C12orf54: variants seen among roughly 807,000 people sequenced by gnomAD.
C12orf54 encodes the protein chromosome 12 open reading frame 54, also known as uncharacterized protein C12orf54.
A neutral mutation model predicts 26.4 loss-of-function variants in C12orf54; 24 were observed. The observed-to-expected ratio is 0.91, with a 90% CI of 0.66 to 1.28. C12orf54 has a LOEUF of 1.28. Ranked by LOEUF, C12orf54 falls within the 50% of genes most tolerant of loss-of-function variation. The pLI is 0.00. For missense variants in C12orf54, 154 were observed against 150.9 expected, an observed-to-expected ratio of 1.02 and a Z score of -0.11; for synonymous variants, 54 against 47.0, an observed-to-expected ratio of 1.15 and a Z score of -0.61.
At chr12:48,444,389 TCTC>T in the C12orf54 span, among the ~76,000 whole-genome samples, 1 of 152,142 alleles carries the variant, frequency 6.6e-6, no homozygotes, top group Non-Finnish European at 1.5e-5. Context: ...AAAAGAAAGG[TCTC>T]CTCTTTTCCA....
chr12:48,419,967 T>A, the C12orf54 span, among the ~76,000 whole-genome samples: 1 of 152,248 alleles, frequency 6.6e-6, no homozygotes, highest in Non-Finnish European at 1.5e-5. Flanking sequence ...TAGATTGTTC[T>A]AATCTTGTGC....
At chr12:48,413,217 C>T in the C12orf54 span, among the ~76,000 whole-genome samples, 1 of 152,336 alleles carries the variant, frequency 6.6e-6, no homozygotes, top group African/African-American at 2.4e-5. Flanking sequence ...AAGGAATATG[C>T]ACCTCTTTCT....
the C12orf54 span, among the ~76,000 whole-genome samples, chr12:48,425,801 G>A: frequency 1.3e-5 from 2 of 151,802 alleles, no homozygotes; most frequent in South Asian, 4.1e-4. Context: ...TCTCATTGTG[G>A]TTTTCATTTG....
chr12:48,482,201 T>C (rs1954205563), upstream of C12orf54, among the ~76,000 whole-genome samples: 1 of 152,206 alleles, frequency 6.6e-6, no homozygotes, highest in African/African-American at 2.4e-5. Context: ...GAAAGCCAGA[T>C]TTCTCAGACC....
chr12:48,457,707 C>T, the C12orf54 span, among the ~76,000 whole-genome samples: 1 of 152,030 alleles, frequency 6.6e-6, no homozygotes, highest in Non-Finnish European at 1.5e-5. Flanking sequence ...GGCTTCGGTG[C>T]CCAGAAGCTG....
At chr12:48,445,559 C>G in the C12orf54 span, among the ~76,000 whole-genome samples, 1 of 152,116 alleles carries the variant, frequency 6.6e-6, no homozygotes, top group East Asian at 1.9e-4. Flanking sequence ...CTCCTCCCAC[C>G]CCTTATAGAG....
chr12:48,422,494 T>C, the C12orf54 span, among the ~76,000 whole-genome samples: 1 of 152,188 alleles, frequency 6.6e-6, no homozygotes, highest in Non-Finnish European at 1.5e-5. Context: ...TGGAATAAAC[T>C]GGAATGACCC....
the C12orf54 span, among the ~76,000 whole-genome samples, chr12:48,414,051 G>A: frequency 8.5e-5 from 13 of 152,188 alleles, no homozygotes; most frequent in Admixed American, 6.5e-4. Flanking sequence ...GATAAATGAA[G>A]GAAAAGGACA....
the C12orf54 span, among the ~76,000 whole-genome samples, chr12:48,459,082 A>G: frequency 6.6e-6 from 1 of 152,176 alleles, no homozygotes; most frequent in African/African-American, 2.4e-5. Context: ...GATAAATTGT[A>G]ACTACCCCTT....
At chr12:48,475,505 T>A in the C12orf54 span, among the ~76,000 whole-genome samples, 19 of 151,602 alleles carry the variant, frequency 1.3e-4, no homozygotes, top group African/African-American at 3.9e-4. Flanking sequence ...GAAAAAAAAA[T>A]TAGATGAATG....
the C12orf54 span, among the ~76,000 whole-genome samples, chr12:48,422,595 C>T: frequency 6.6e-6 from 1 of 151,988 alleles, no homozygotes; most frequent in Non-Finnish European, 1.5e-5. Flanking sequence ...ATCATGGAAA[C>T]AGGAAAACAT....
At chr12:48,492,783 A>G (rs1382640557) in intron 6 of C12orf54, 164 bp from the exon 7 acceptor site, 1 of 624,036 alleles carries the variant, frequency 1.6e-6, no homozygotes, top group African/African-American at 1.8e-5. Flanking sequence ...CTGGTGCCAC[A>G]TTCTGCAACT....
chr12:48,478,111 G>A (rs894578960), upstream of C12orf54, among the ~76,000 whole-genome samples: 5 of 152,124 alleles, frequency 3.3e-5, no homozygotes, highest in East Asian at 5.8e-4. Context: ...ATCAATAAAT[G>A]TAATCCAGCA....
the C12orf54 span, among the ~76,000 whole-genome samples, chr12:48,446,460 G>A: frequency 2.0e-5 from 3 of 152,108 alleles, no homozygotes; most frequent in African/African-American, 7.2e-5. Flanking sequence ...AGAGCATCAT[G>A]CTAACAAAGG....
At chr12:48,485,267 T>C (rs1276970039) in intron 2 of C12orf54, among the ~76,000 whole-genome samples, 2 of 146,526 alleles carry the variant, frequency 1.4e-5, no homozygotes, top group African/African-American at 5.4e-5. Context: ...GTTTCTGCTG[T>C]TTTGTTTGTT....
At chr12:48,446,713 T>G in the C12orf54 span, among the ~76,000 whole-genome samples, 1 of 152,208 alleles carries the variant, frequency 6.6e-6, no homozygotes, top group Non-Finnish European at 1.5e-5. Flanking sequence ...TGTATTTAAT[T>G]ACTAGATATA....
chr12:48,438,908 A>G, the C12orf54 span, among the ~76,000 whole-genome samples: 1 of 152,152 alleles, frequency 6.6e-6, no homozygotes, highest in African/African-American at 2.4e-5. Context: ...GACAAATGGG[A>G]TCTAATTAAA....
At chr12:48,450,460 C>A in the C12orf54 span, among the ~76,000 whole-genome samples, 3 of 152,068 alleles carry the variant, frequency 2.0e-5, no homozygotes, top group Non-Finnish European at 4.4e-5. Context: ...CCAAAGCTAG[C>A]AGAACACAAG....
chr12:48,489,080 G>A (rs1289048034), intron 5 of C12orf54, 124 bp downstream of exon 5: 2 of 973,096 alleles, frequency 2.1e-6, no homozygotes, highest in Admixed American at 1.7e-5. Flanking sequence ...TTTTTCTAGT[G>A]ATTTCTCCCT....
Sources: gnomAD v4.1 joint callset for allele counts (sites outside exome capture counted in the v4.1 genomes callset) on GRCh38, gnomAD v4.1.1 for gene constraint, MANE v1.5 for transcripts, NCBI Gene and HGNC (gene_info 2026-07-23, HGNC 2026-07-21) for gene names.